Variants in USP13 observed in about 807,000 individuals in gnomAD.
USP13 encodes ubiquitin specific peptidase 13.
USP13 carries 68 observed loss-of-function variants against 107.8 expected under a neutral mutation model. That is an observed-to-expected ratio of 0.63 (90% CI 0.52 to 0.77). The LOEUF is 0.77. USP13 is among the 30% of genes least tolerant of loss of function. The pLI, the probability that USP13 is intolerant of heterozygous loss-of-function variation, is 0.00. For missense variants in USP13, 945 were observed against 1,093.3 expected (o/e 0.86, Z 1.91); for synonymous variants, 377 against 389.5 (o/e 0.97, Z 0.38).
intron 16 of USP13, 50 bp downstream of exon 16, chr3:179,757,128 T>C: frequency 1.3e-6 from 2 of 1,591,000 alleles, no homozygotes; most frequent in Non-Finnish European, 1.7e-6. Flanking sequence ...GTTATTAATC[T>C]GATGAATTTG....
intron 1 of USP13, among the ~76,000 whole-genome samples, chr3:179,654,108 G>A (rs1156904693): frequency 6.6e-6 from 1 of 151,834 alleles, no homozygotes; most frequent in African/African-American, 2.4e-5. Flanking sequence ...CAGCTACTCG[G>A]GAGGCTGAGG....
chr3:179,727,824 G>A (rs1188150396), intron 8 of USP13, among the ~76,000 whole-genome samples: 14 of 102,698 alleles, frequency 1.4e-4, no homozygotes, highest in African/African-American at 4.8e-4. Flanking sequence ...CCTCCCGGAC[G>A]GGGCGGCTGG....
chr3:179,727,061 T>C (rs1713546837), intron 8 of USP13, among the ~76,000 whole-genome samples: 1 of 151,756 alleles, frequency 6.6e-6, no homozygotes, highest in South Asian at 2.1e-4. Flanking sequence ...ACGGTTGCAA[T>C]GAAAACTCAA....
intron 20 of USP13, 53 bp from the exon 21 acceptor site, chr3:179,783,995 A>G (rs371412284): frequency 2.7e-6 from 4 of 1,474,596 alleles, no homozygotes; most frequent in Non-Finnish European, 3.8e-6. Flanking sequence ...TTCTTTGTGT[A>G]AAGTTTCCTG....
intron 3 of USP13, among the ~76,000 whole-genome samples, chr3:179,696,821 A>G (rs998394513): frequency 6.6e-6 from 1 of 152,138 alleles, no homozygotes; most frequent in Admixed American, 6.6e-5. Context: ...AGAAGCGAGG[A>G]GGTAAGGGAG....
At chr3:179,738,893 C>T (rs1289699279) in intron 10 of USP13, among the ~76,000 whole-genome samples, 1 of 152,114 alleles carries the variant, frequency 6.6e-6, no homozygotes, top group East Asian at 1.9e-4. Flanking sequence ...TGCCTCTTTC[C>T]ACCCGCTGCT....
At chr3:179,696,479 G>T (rs1044479882) in intron 3 of USP13, among the ~76,000 whole-genome samples, 1 of 151,920 alleles carries the variant, frequency 6.6e-6, no homozygotes, top group Non-Finnish European at 1.5e-5. Context: ...TACAGGCGCT[G>T]GCCACCACAC....
At chr3:179,719,913 A>T in intron 6 of USP13, 27 bp from the exon 7 acceptor site, 1 of 1,575,362 alleles carries the variant, frequency 6.3e-7, no homozygotes, top group South Asian at 1.1e-5. Flanking sequence ...TACTGATTGC[A>T]GTGCTTATTT....
intron 1 of USP13, among the ~76,000 whole-genome samples, chr3:179,671,840 C>T (rs1223467796): frequency 6.6e-6 from 1 of 152,098 alleles, no homozygotes; most frequent in Non-Finnish European, 1.5e-5. Context: ...ACCGTCTTCC[C>T]GCGGTGTTAG....
chr3:179,759,007 A>C (rs1218332745), intron 16 of USP13, among the ~76,000 whole-genome samples: 1 of 151,374 alleles, frequency 6.6e-6, no homozygotes, highest in Non-Finnish European at 1.5e-5. Flanking sequence ...TTTGAGACGG[A>C]GTGTCACTCT....
intron 6 of USP13, among the ~76,000 whole-genome samples, chr3:179,716,421 A>G (rs952129655): frequency 2.0e-5 from 3 of 152,244 alleles, no homozygotes; most frequent in African/African-American, 7.2e-5. Flanking sequence ...TATTTGAAAT[A>G]TTAAACTTTA....
Position 179,653,429 on chromosome 3 carries a change from G to C in USP13, c.168+36G>C, listed in dbSNP as rs1720147206. ...CGCCTCGGGGGAGGGTCGCGGGGCC[G>C]GCGGCCTGCGGCACGTGAAGCCGGG... is the stretch of plus-strand genomic sequence containing the variant. On this transcript the variant is annotated intron_variant, in intron 1 of 20. Coordinates refer to ENST00000263966, the MANE Select transcript of USP13 (RefSeq NM_003940.3). This position sits in a 1 kb window ranked among gnomAD's most constrained non-coding sequence, Gnocchi z 4.0. The C allele has an allele frequency of 3.9e-6, 6 of 1,535,358 alleles. No individual in the cohort carries two copies. The highest frequency in any genetic ancestry group is 3.7e-4 in the Middle Eastern group (2 of 5,444).
intron 2 of USP13, among the ~76,000 whole-genome samples, chr3:179,684,334 A>G (rs1711788273): frequency 1.4e-5 from 2 of 139,518 alleles, no homozygotes; most frequent in African/African-American, 5.5e-5. Flanking sequence ...TTTTTGAGAC[A>G]TGGTCTCACT....
At chr3:179,719,262 T>G (rs1576949567) in intron 6 of USP13, among the ~76,000 whole-genome samples, 1 of 151,982 alleles carries the variant, frequency 6.6e-6, no homozygotes, top group Non-Finnish European at 1.5e-5. Context: ...GAGTCTTGAG[T>G]ATCCCTGGAA....
In USP13 at chr3:179,741,290, A is replaced by C. The variant is rs555417296; in HGVS notation, c.1381-907A>C. Among the ~76,000 whole-genome samples, 238 of 152,186 alleles carry C rather than the reference A, an allele frequency of 1.6e-3. 1 individual carries two copies. The highest frequency in any genetic ancestry group is 5.4e-3 in the African/African-American group (226 of 41,490). On this transcript the variant is annotated intron_variant, in intron 11 of 20. Coordinates refer to ENST00000263966, the MANE Select transcript of USP13 (RefSeq NM_003940.3). ...GAGTGCAGTGGCACGATCTTGGCCC[A>C]CTGCAACCTCCGCCTTGCAGGTTCA...
chr3:179,672,950 C>T (rs565613547), intron 1 of USP13, among the ~76,000 whole-genome samples: 2 of 152,222 alleles, frequency 1.3e-5, no homozygotes, highest in South Asian at 2.1e-4. Context: ...CTCTGAGCAC[C>T]GGAGGCAGGT....
At chr3:179,778,180 T>G (rs1715612340) in intron 19 of USP13, among the ~76,000 whole-genome samples, 1 of 152,218 alleles carries the variant, frequency 6.6e-6, no homozygotes, top group Non-Finnish European at 1.5e-5. Context: ...TCTGATTAAA[T>G]AATTATTTCA....
rs765890519 is a variant in USP13, at chr3:179,754,742, T to C, written c.1809T>C (p.Ile603=). The C allele has an allele frequency of 2.5e-6, 4 of 1,612,664 alleles. No homozygotes were observed. In the South Asian group the frequency reaches 4.4e-5, roughly 18 times the overall value. ...DWVPKKFDVS[I]DMPDLLDINH... is the part of the protein sequence containing the mutation. ...TCTCTCATTTTGCAGATGTTTCTAT[T>C]GATATGCCAGACCTACTTGATATCA... The change falls in exon 15 of 21, where the codon ATT becomes ATC. Residue 603 remains isoleucine (I), a synonymous_variant. Coordinates refer to ENST00000263966, the MANE Select transcript of USP13 (RefSeq NM_003940.3).
chr3:179,710,173 C>T (rs986124245), intron 6 of USP13, among the ~76,000 whole-genome samples: 1 of 152,144 alleles, frequency 6.6e-6, no homozygotes, highest in East Asian at 1.9e-4. Flanking sequence ...GATACACAAG[C>T]CCAGGTCTTA....
Sources: gnomAD v4.1 joint callset for allele counts (sites outside exome capture counted in the v4.1 genomes callset) on GRCh38, gnomAD v4.1.1 for gene constraint, Gnocchi (gnomAD v3.1) non-coding constraint, MANE v1.5 for transcripts, NCBI Gene and HGNC (gene_info 2026-07-23, HGNC 2026-07-21) for gene names.